The following TRIP12 variants were observed in gnomAD, a reference collection of about 807,000 sequenced individuals.
TRIP12 encodes the protein thyroid hormone receptor interactor 12, also known as E3 ubiquitin-protein ligase TRIP12.
TRIP12 carries 25 observed loss-of-function variants against 244.2 expected under a neutral mutation model. That is an observed-to-expected ratio of 0.10 (90% CI 0.07 to 0.14). The LOEUF is 0.14. TRIP12 is among the 10% of genes least tolerant of loss of function. The pLI is 1.00. For missense variants in TRIP12, 1,677 were observed against 2,486.4 expected, an observed-to-expected ratio of 0.67 and a Z score of 6.92; for synonymous variants, 905 against 873.1, an observed-to-expected ratio of 1.04 and a Z score of -0.64.
At chr2:229,774,337 C>T in intron 37 of TRIP12, 76 bp from the exon 38 acceptor site, 1 of 1,426,740 alleles carries the variant, frequency 7.0e-7, no homozygotes, top group Non-Finnish European at 9.5e-7. Context: ...AAAAGATATC[C>T]TAATAAAATA....
rs145109910 is a variant in TRIP12 at position 229,834,313 on chromosome 2, G to A, written c.1270+2535C>T. On this transcript the variant is annotated intron_variant, in intron 6 of 41. Transcript: ENST00000675903. ...TGATCTAACCCTGATCATTTCTTCC[G>A]AAACTATAAAGCTACCCAATGCAAA... is the stretch of plus-strand genomic sequence containing the variant. Among the ~76,000 whole-genome samples the A allele has an allele frequency of 5.9e-4, 90 of 152,238 alleles. 1 individual carries two copies. In the East Asian group the frequency reaches 6.4e-3, roughly 11 times the overall value.
chr2:229,780,344 T>C (rs1382719200), intron 34 of TRIP12, among the ~76,000 whole-genome samples: 1 of 152,222 alleles, frequency 6.6e-6, no homozygotes, highest in Non-Finnish European at 1.5e-5. Flanking sequence ...TTTACCCAGC[T>C]GCCATTCTCT....
At chr2:229,878,216 A>G (rs1403296458) in intron 2 of TRIP12, among the ~76,000 whole-genome samples, 1 of 152,154 alleles carries the variant, frequency 6.6e-6, no homozygotes, top group African/African-American at 2.4e-5. Flanking sequence ...CTCTGAGGCC[A>G]AGGCCAATGG....
rs552149061 is a variant in TRIP12, at chr2:229,767,275, C to T, written c.*279G>A. The T allele has an allele frequency of 3.2e-5, 10 of 313,748 alleles. No homozygotes were observed. In the South Asian group the frequency reaches 8.8e-4, roughly 28 times the overall value. 19.4% of individuals were successfully genotyped at this position (313,748 alleles called of 1,614,324 possible). ...AAACATCCCTTTTTTAAATTTCACA[C>T]AGCAAAGCATGTTAAAAACTTCACT... On this transcript the variant is annotated 3_prime_UTR_variant, in exon 42 of 42. Coordinates refer to ENST00000675903, the MANE Select transcript of TRIP12 (RefSeq NM_001348323.3).
At chr2:229,896,703 A>G (rs2068930992) in intron 1 of TRIP12, among the ~76,000 whole-genome samples, 1 of 152,226 alleles carries the variant, frequency 6.6e-6, no homozygotes, top group Admixed American at 6.5e-5. Flanking sequence ...TAAGATTATC[A>G]GACTAGGCTT....
Position 229,771,603 on chromosome 2 carries a change from G to A in TRIP12, c.5724C>T (p.Gly1908=), listed in dbSNP as rs762302147. The change falls in exon 39 of 42, where the codon GGC becomes GGT. Residue 1908 remains glycine (G), a synonymous_variant. Coordinates refer to ENST00000675903, the MANE Select transcript of TRIP12 (RefSeq NM_001348323.3). ...RLVIFWALNE[G]VSRQFDSFRD... ...TGAACGAATCAAATTGCCTAGAAAC[G>A]CCTTCATTTAGTGCCCAGAATATAA... 5.6e-6 allele frequency: 9 copies of A among 1,613,848 alleles called. No individual in the cohort carries two copies. The highest frequency in any genetic ancestry group is 2.2e-5 in the East Asian group (1 of 44,860).
chr2:229,903,206 T>C (rs1486270520), intron 1 of TRIP12, among the ~76,000 whole-genome samples: 1 of 152,002 alleles, frequency 6.6e-6, no homozygotes, highest in African/African-American at 2.4e-5. Context: ...TTGACAGCCA[T>C]TCAGTAACCG....
At chr2:229,796,508 T>C (rs984696008) in intron 25 of TRIP12, 83 bp downstream of exon 25, 14 of 1,276,638 alleles carry the variant, frequency 1.1e-5, no homozygotes, top group African/African-American at 6.1e-5. Flanking sequence ...CAAGACCTGC[T>C]GGAAATTATT....
chr2:229,836,003 C>A (rs1480007097), intron 6 of TRIP12, among the ~76,000 whole-genome samples: 2 of 152,124 alleles, frequency 1.3e-5, no homozygotes, highest in Admixed American at 1.3e-4. Context: ...AGAAAAAAAT[C>A]CTAAGCTAGA....
Position 229,787,675 on chromosome 2 carries a change from C to G in TRIP12, c.4839-14G>C, listed in dbSNP as rs1393169104. 1 of 1,573,472 alleles carries G rather than the reference C, an allele frequency of 6.4e-7. No individual in the cohort carries two copies. The highest frequency in any genetic ancestry group is 2.3e-5 in the East Asian group (1 of 43,516). ...AAGAAAAATGGGCTGTAAAAAGATG[C>G]AATGTAAGTTTATTATCTGGATGAG... On this transcript the variant is annotated splice_polypyrimidine_tract_variant and intron_variant, in intron 32 of 41. Transcript: ENST00000675903.
chr2:229,855,015 G>C (rs2059348688), intron 4 of TRIP12, among the ~76,000 whole-genome samples: 1 of 152,214 alleles, frequency 6.6e-6, no homozygotes, highest in Non-Finnish European at 1.5e-5. Flanking sequence ...TGTAATCCCA[G>C]CATTCTGGGA....
intron 2 of TRIP12, among the ~76,000 whole-genome samples, chr2:229,879,027 T>C (rs1576541238): frequency 6.6e-6 from 1 of 151,702 alleles, no homozygotes; most frequent in Non-Finnish European, 1.5e-5. Flanking sequence ...CCGAGGCGGG[T>C]GAATCGCTTG....
intron 1 of TRIP12, among the ~76,000 whole-genome samples, chr2:229,897,172 A>C (rs2069075516): frequency 6.6e-6 from 1 of 152,250 alleles, no homozygotes; most frequent in Admixed American, 6.5e-5. Flanking sequence ...GCATTACCAG[A>C]GATAAAAAGA....
intron 1 of TRIP12, among the ~76,000 whole-genome samples, chr2:229,899,656 C>A (rs2070033748): frequency 1.3e-5 from 2 of 152,148 alleles, no homozygotes; most frequent in South Asian, 4.1e-4. Flanking sequence ...AGAAGAGCAA[C>A]CCGAGCCCTA....
chr2:229,900,389 T>G (rs2070359819), intron 1 of TRIP12, among the ~76,000 whole-genome samples: 1 of 152,206 alleles, frequency 6.6e-6, no homozygotes. Flanking sequence ...ATTCAAATAA[T>G]TTAAGTAGAA....
At chr2:229,873,710 G>A (rs899349623) in intron 2 of TRIP12, among the ~76,000 whole-genome samples, 5 of 151,924 alleles carry the variant, frequency 3.3e-5, no homozygotes, top group Non-Finnish European at 5.9e-5. Flanking sequence ...TATAACTAAT[G>A]GGGGTTTAAA....
At chr2:229,914,514 A>G (rs2075001381) in intron 1 of TRIP12, among the ~76,000 whole-genome samples, 1 of 152,250 alleles carries the variant, frequency 6.6e-6, no homozygotes, top group South Asian at 2.1e-4. Context: ...GACACAAAGT[A>G]GCTTAAATTA....
intron 1 of TRIP12, chr2:229,921,644 T>G (rs1179496822): frequency 2.6e-5 from 4 of 151,576 alleles, no homozygotes; most frequent in African/African-American, 9.7e-5. Flanking sequence ...CAGGCCCCGG[T>G]CCCTCCGGCC....
At chr2:229,902,385 C>A (rs918973779) in intron 1 of TRIP12, among the ~76,000 whole-genome samples, 2 of 151,512 alleles carry the variant, frequency 1.3e-5, no homozygotes, top group African/African-American at 2.4e-5. Context: ...GTCCTCCCCC[C>A]ACCAAAAAAA....
Sources: gnomAD v4.1 joint callset for allele counts (sites outside exome capture counted in the v4.1 genomes callset) on GRCh38, gnomAD v4.1.1 for gene constraint, MANE v1.5 for transcripts, NCBI Gene and HGNC (gene_info 2026-07-23, HGNC 2026-07-21) for gene names.